Variants in FAM219A observed in about 807,000 individuals in gnomAD.
FAM219A encodes protein FAM219A.
Under a neutral mutation model 23.4 loss-of-function variants are expected in FAM219A, and 7 were observed. The ratio of observed to expected loss-of-function variants is 0.30; its 90% CI spans 0.17 to 0.56. The LOEUF is 0.56. FAM219A is among the 20% of genes least tolerant of loss of function. The pLI is 0.92. For missense variants in FAM219A, 166 were observed against 246.9 expected (o/e 0.67, Z 2.20); for synonymous variants, 93 against 99.0 (o/e 0.94, Z 0.36).
intron 1 of FAM219A, among the ~76,000 whole-genome samples, chr9:34,427,977 T>G (rs1284791245): frequency 6.6e-6 from 1 of 152,234 alleles, no homozygotes; most frequent in South Asian, 2.1e-4. Flanking sequence ...ACTGAGCAGA[T>G]AGATGCAGCC....
At chr9:34,446,887 G>A (rs571331442) in intron 1 of FAM219A, among the ~76,000 whole-genome samples, 142 of 152,286 alleles carry the variant, frequency 9.3e-4, no homozygotes, top group African/African-American at 3.3e-3. Flanking sequence ...ACAGAATAGG[G>A]CAGAGTAGGA....
chr9:34,404,672 C>T (rs1367105717), intron 2 of FAM219A, among the ~76,000 whole-genome samples: 2 of 152,128 alleles, frequency 1.3e-5, no homozygotes, highest in Non-Finnish European at 2.9e-5. Flanking sequence ...CATGCCACTG[C>T]ACTCCAGCCT....
At chr9:34,436,176 T>G (rs1822907903) in intron 1 of FAM219A, among the ~76,000 whole-genome samples, 1 of 151,796 alleles carries the variant, frequency 6.6e-6, no homozygotes, top group Admixed American at 6.6e-5. Flanking sequence ...ATAATATCTA[T>G]TATAACTATT....
At position 34,400,862 on chromosome 9, in the gene FAM219A, G is replaced by T; in HGVS notation, c.*102C>A. 8.0e-7 allele frequency: 1 copy of T among 1,254,764 alleles called. No individual in the cohort carries two copies. The highest frequency in any genetic ancestry group is 1.1e-6 in the Non-Finnish European group (1 of 945,224). The allele number at this position is 1,254,764 out of a possible 1,614,324, so 77.7% of individuals were successfully genotyped here. On this transcript the variant is annotated 3_prime_UTR_variant, in exon 6 of 6. Transcript: ENST00000651358. ...ATACGAGGTTGGCGGCTGTAGGGGCGCGGGGCCGGGGGCAGGCAGACGAGC... is the reference window on the plus strand; with the variant it reads ...ATACGAGGTTGGCGGCTGTAGGGGCTCGGGGCCGGGGGCAGGCAGACGAGC...
chr9:34,446,072 C>G (rs1023577352), intron 1 of FAM219A, among the ~76,000 whole-genome samples: 3 of 151,522 alleles, frequency 2.0e-5, no homozygotes, highest in East Asian at 2.0e-4. Flanking sequence ...ACTCGGAAGG[C>G]TGAGGCAGAA....
rs1822065645 is a variant in FAM219A at position 34,417,062 on chromosome 9, C to A, written c.61-11098G>T. On this transcript the variant is annotated intron_variant, in intron 1 of 5. Coordinates refer to ENST00000651358, the MANE Select transcript of FAM219A (RefSeq NM_001184940.2). The surrounding 1 kb of genome is among the most constrained non-coding windows in gnomAD (Gnocchi z 4.1). ...CCTTCTTCCCCTTCCCTTTCCCCTT[C>A]CCCTTCTCCTTCTTCTTCTTTTTGG... is the stretch of plus-strand genomic sequence containing the variant. Among the ~76,000 whole-genome samples, 1 of 148,776 alleles carries A rather than the reference C, an allele frequency of 6.7e-6. No homozygotes were observed. Among genetic ancestry groups the A allele is most frequent in the African/African-American group, 2.4e-5 (1 of 41,126 alleles).
At position 34,438,799 on chromosome 9, in the gene FAM219A, G is replaced by C. The variant is rs537059132; in HGVS notation, c.60+19405C>G. On this transcript the variant is annotated intron_variant, in intron 1 of 5. Coordinates refer to ENST00000651358, the MANE Select transcript of FAM219A (RefSeq NM_001184940.2). ...TGGGCTCTACCAATCAGCAGGATGT[G>C]GGTGGGGCCAGATAAGAGAATAAAA... Among the ~76,000 whole-genome samples the C allele has an allele frequency of 9.8e-5, 15 of 152,326 alleles. No individual in the cohort carries two copies. The East Asian group carries it at 2.3e-3, about 23-fold the overall frequency.
At chr9:34,416,937 A>G (rs2131954948) in intron 1 of FAM219A, among the ~76,000 whole-genome samples, 1 of 149,836 alleles carries the variant, frequency 6.7e-6, no homozygotes, top group Non-Finnish European at 1.5e-5. Context: ...AAGTGATCCT[A>G]CTACTTCAGC....
At chr9:34,428,802 G>A (rs1434876750) in intron 1 of FAM219A, among the ~76,000 whole-genome samples, 1 of 152,198 alleles carries the variant, frequency 6.6e-6, no homozygotes, top group Admixed American at 6.5e-5. Flanking sequence ...GTCCTCATCT[G>A]TTCTTGTTTC....
At chr9:34,438,246 G>A (rs4878568) in intron 1 of FAM219A, among the ~76,000 whole-genome samples, 72,167 of 152,104 alleles carry the variant, frequency 0.47, 18,390 homozygotes, top group African/African-American at 0.65. Flanking sequence ...AGCCTCCCCA[G>A]TGAGGCCTGT....
At chr9:34,450,353 C>T (rs774452555) in intron 1 of FAM219A, among the ~76,000 whole-genome samples, 3 of 150,310 alleles carry the variant, frequency 2.0e-5, no homozygotes, top group African/African-American at 7.3e-5. Flanking sequence ...ATACCTTGTA[C>T]ATAATTATGT....
intron 1 of FAM219A, among the ~76,000 whole-genome samples, chr9:34,436,572 C>A (rs1021028660): frequency 6.6e-6 from 1 of 152,100 alleles, no homozygotes; most frequent in Non-Finnish European, 1.5e-5. Context: ...TAAAGAAAGT[C>A]TTTATATGTT....
chr9:34,436,202 A>G (rs1317861676), intron 1 of FAM219A, among the ~76,000 whole-genome samples: 2 of 151,718 alleles, frequency 1.3e-5, no homozygotes, highest in Non-Finnish European at 2.9e-5. Context: ...GTTATTATAA[A>G]ATTATGTATG....
intron 2 of FAM219A, among the ~76,000 whole-genome samples, chr9:34,404,539 C>A (rs1392690790): frequency 6.6e-6 from 1 of 152,154 alleles, no homozygotes; most frequent in Non-Finnish European, 1.5e-5. Context: ...GAAAGCCTAT[C>A]TTTACTAAAA....
intron 1 of FAM219A, among the ~76,000 whole-genome samples, chr9:34,433,158 G>A (rs1293693743): frequency 6.6e-6 from 1 of 152,102 alleles, no homozygotes; most frequent in Non-Finnish European, 1.5e-5. Context: ...ATATCAGTAT[G>A]GATTAATGTA....
At chr9:34,443,375 A>G (rs1335910321) in intron 1 of FAM219A, among the ~76,000 whole-genome samples, 1 of 152,096 alleles carries the variant, frequency 6.6e-6, no homozygotes, top group Non-Finnish European at 1.5e-5. Flanking sequence ...TCTTCCAGAG[A>G]TCAGTGAAAG....
At chr9:34,437,037 T>C (rs984457505) in intron 1 of FAM219A, among the ~76,000 whole-genome samples, 8 of 152,212 alleles carry the variant, frequency 5.3e-5, no homozygotes, top group Admixed American at 3.9e-4. Context: ...CAAAAGGAAC[T>C]TGGGATGTGG....
chr9:34,448,533 G>A (rs1419661744), intron 1 of FAM219A, among the ~76,000 whole-genome samples: 1 of 152,106 alleles, frequency 6.6e-6, no homozygotes, highest in Non-Finnish European at 1.5e-5. Flanking sequence ...GGAGTAGGAG[G>A]GTATAAAATA....
At chr9:34,425,981 A>G (rs532515984) in intron 1 of FAM219A, among the ~76,000 whole-genome samples, 179 of 152,340 alleles carry the variant, frequency 1.2e-3, no homozygotes, top group Non-Finnish European at 2.0e-3. Context: ...AAATTTGGTT[A>G]GAATTAGAAA....
Sources: gnomAD v4.1 joint callset for allele counts (sites outside exome capture counted in the v4.1 genomes callset) on GRCh38, gnomAD v4.1.1 for gene constraint, Gnocchi (gnomAD v3.1) non-coding constraint, MANE v1.5 for transcripts, NCBI Gene and HGNC (gene_info 2026-07-23, HGNC 2026-07-21) for gene names.